Variants in KCNH5 observed in about 807,000 individuals in gnomAD.
The protein encoded by KCNH5 is voltage-gated delayed rectifier potassium channel KCNH5.
In KCNH5, 46 loss-of-function variants were observed where a neutral mutation model predicts 96.1. That is an observed-to-expected ratio of 0.48 (90% confidence interval 0.38 to 0.61). KCNH5 has a LOEUF of 0.61. Ranked by LOEUF, KCNH5 falls within the 20% of genes least tolerant of loss-of-function variation. The pLI, the probability that KCNH5 is intolerant of heterozygous loss-of-function variation, is 0.00. For synonymous variants in KCNH5, 439 were observed against 449.8 expected (o/e 0.98, Z 0.30); for missense variants, 907 against 1,225.8 (o/e 0.74, Z 3.88).
In KCNH5 at chr14:62,727,694, T is replaced by C. The variant is rs1884959918; in HGVS notation, c.2020-19239A>G. Among the ~76,000 whole-genome samples the C allele has an allele frequency of 2.0e-5, 3 of 150,060 alleles. No individual in the cohort carries two copies. In the South Asian group the frequency reaches 6.3e-4, roughly 32 times the overall value. On this transcript the variant is annotated intron_variant, in intron 10 of 10. Transcript: ENST00000322893. ...TGTATTATAATTCATCAAACATTTA[T>C]AGGAGCCCCTAATCACATGCAGGGC...
chr14:62,923,603 A>G (rs1488324077), intron 7 of KCNH5, among the ~76,000 whole-genome samples: 1 of 151,986 alleles, frequency 6.6e-6, no homozygotes, highest in Non-Finnish European at 1.5e-5. Context: ...ATAGTATGGT[A>G]CTGGCATTAA....
chr14:62,754,253 T>C (rs186776132), intron 10 of KCNH5, among the ~76,000 whole-genome samples: 204 of 151,626 alleles, frequency 1.3e-3, no homozygotes, highest in Admixed American at 2.8e-3. Context: ...ATTCAGCAGA[T>C]ACAAAACAAA....
chr14:62,848,988 T>A (rs1887752308), intron 8 of KCNH5, among the ~76,000 whole-genome samples: 1 of 152,188 alleles, frequency 6.6e-6, no homozygotes, highest in Non-Finnish European at 1.5e-5. Flanking sequence ...TTTTTTAAAA[T>A]TTGGTTTTAT....
chr14:62,761,084 G>GT (rs1012260456), intron 10 of KCNH5, among the ~76,000 whole-genome samples: 1 of 152,114 alleles, frequency 6.6e-6, no homozygotes, highest in African/African-American at 2.4e-5. Context: ...GCCAGGCAGG[G>GT]TGGCTCACCC....
At chr14:62,956,172 C>T (rs180790760) in intron 6 of KCNH5, among the ~76,000 whole-genome samples, 2 of 152,300 alleles carry the variant, frequency 1.3e-5, no homozygotes, top group Admixed American at 6.5e-5. Flanking sequence ...CCCTCTATGC[C>T]TCTGCATAGC....
chr14:63,019,531 C>T (rs918602728), intron 1 of KCNH5, among the ~76,000 whole-genome samples: 1 of 151,914 alleles, frequency 6.6e-6, no homozygotes, highest in Non-Finnish European at 1.5e-5. Flanking sequence ...CAGAAACAGG[C>T]CCTCACATAC....
intron 6 of KCNH5, among the ~76,000 whole-genome samples, chr14:62,951,962 C>CAAAAA (rs36114434): frequency 3.1e-4 from 33 of 105,488 alleles, no homozygotes; most frequent in African/African-American, 9.9e-4. Flanking sequence ...GACTCCGTCT[C>CAAAAA]AAAAAAAAAA....
chr14:62,708,937 A>T (rs1884504442), intron 10 of KCNH5, among the ~76,000 whole-genome samples: 1 of 152,230 alleles, frequency 6.6e-6, no homozygotes, highest in Non-Finnish European at 1.5e-5. Context: ...ATAAGTTTCA[A>T]AACCATTTTT....
intron 3 of KCNH5, among the ~76,000 whole-genome samples, chr14:63,002,848 G>T (rs897544464): frequency 6.6e-6 from 1 of 152,018 alleles, no homozygotes; most frequent in Non-Finnish European, 1.5e-5. Flanking sequence ...AATGAGACAG[G>T]GACCTCAAAA....
intron 9 of KCNH5, among the ~76,000 whole-genome samples, chr14:62,790,660 C>G (rs1475127104): frequency 1.3e-5 from 2 of 150,528 alleles, no homozygotes; most frequent in Non-Finnish European, 3.0e-5. Context: ...TTTCTTTCAT[C>G]AGTGCTTTAT....
At chr14:62,768,386 G>A (rs975286852) in intron 10 of KCNH5, among the ~76,000 whole-genome samples, 5 of 152,000 alleles carry the variant, frequency 3.3e-5, no homozygotes, top group Non-Finnish European at 7.4e-5. Flanking sequence ...TTCAAAAGGA[G>A]TATTTTCCTT....
intron 7 of KCNH5, among the ~76,000 whole-genome samples, chr14:62,868,521 A>G (rs146018673): frequency 6.6e-6 from 1 of 152,272 alleles, no homozygotes; most frequent in Non-Finnish European, 1.5e-5. Context: ...TTTCTGAGCA[A>G]TTATCACATT....
rs111234631 is a variant in KCNH5 at position 62,842,467 on chromosome 14, G to A, written c.1569+7186C>T. Among the ~76,000 whole-genome samples the A allele has an allele frequency of 1.7e-3, 263 of 152,358 alleles. 1 individual carries two copies. The highest frequency in any genetic ancestry group is 3.1e-3 in the Admixed American group (48 of 15,304). Reference sequence around the variant, plus strand: ...TAACAACTGAGAAACACATGTAGATGTAACAATAGTTAAGTTCTCTGATTA... The same window carrying A: ...TAACAACTGAGAAACACATGTAGATATAACAATAGTTAAGTTCTCTGATTA... On this transcript the variant is annotated intron_variant, in intron 8 of 10. Coordinates refer to ENST00000322893, the MANE Select transcript of KCNH5 (RefSeq NM_139318.5).
intron 6 of KCNH5, among the ~76,000 whole-genome samples, chr14:62,959,200 C>T (rs1268641): frequency 0.2 from 29,961 of 152,064 alleles, 3,621 homozygotes; most frequent in Non-Finnish European, 0.28. Context: ...ACCCACAACT[C>T]GGCTAGAGTA....
intron 1 of KCNH5, among the ~76,000 whole-genome samples, chr14:63,024,461 T>C (rs1891489547): frequency 6.6e-6 from 1 of 151,730 alleles, no homozygotes; most frequent in Non-Finnish European, 1.5e-5. Flanking sequence ...AAACAGAGAC[T>C]AGAAAAACAA....
chr14:62,926,603 T>G (rs902337323), intron 7 of KCNH5, among the ~76,000 whole-genome samples: 4 of 152,222 alleles, frequency 2.6e-5, no homozygotes, highest in African/African-American at 7.2e-5. Flanking sequence ...GCCAGCATGG[T>G]CAGGCTCTGG....
At chr14:62,837,449 G>A (rs531669318) in intron 8 of KCNH5, among the ~76,000 whole-genome samples, 14 of 152,210 alleles carry the variant, frequency 9.2e-5, no homozygotes, top group African/African-American at 2.6e-4. Flanking sequence ...TTAAACTTCC[G>A]GTCAGGCCTC....
At chr14:62,837,953 C>T (rs1421619076) in intron 8 of KCNH5, among the ~76,000 whole-genome samples, 1 of 152,090 alleles carries the variant, frequency 6.6e-6, no homozygotes, top group Non-Finnish European at 1.5e-5. Context: ...TGGGTTGTTT[C>T]TCATTTAACA....
chr14:62,992,751 T>A (rs60749058), intron 4 of KCNH5, among the ~76,000 whole-genome samples: 9,021 of 152,040 alleles, frequency 0.059, 421 homozygotes, highest in African/African-American at 0.13. Context: ...GATACTTTCT[T>A]CCCTTCTTCA....
Sources: allele counts gnomAD v4.1 joint callset (sites outside exome capture counted in the v4.1 genomes callset), GRCh38; gene constraint gnomAD v4.1.1; transcripts MANE v1.5; gene names NCBI Gene and HGNC (gene_info 2026-07-23, HGNC 2026-07-21).